The following CIITA variants were observed in gnomAD, a reference collection of about 807,000 sequenced individuals.
CIITA encodes class II major histocompatibility complex transactivator.
Under a neutral mutation model 115.1 loss-of-function variants are expected in CIITA, and 72 were observed. The observed-to-expected ratio is 0.63, with a 90% CI of 0.52 to 0.76. The LOEUF is 0.76. Among genes scored for constraint, CIITA ranks in the 30% least tolerant of loss-of-function variants. The pLI is 0.00. For synonymous variants in CIITA, 763 were observed against 635.6 expected (o/e 1.20, Z -3.02); for missense variants, 1,617 against 1,463.8 (o/e 1.10, Z -1.71).
Position 10,929,143 on chromosome 16 carries a change from G to A in CIITA, c.*5288G>A, listed in dbSNP as rs1463329451. On this transcript the variant is annotated 3_prime_UTR_variant, in exon 20 of 20. Coordinates refer to ENST00000324288, the MANE Select transcript of CIITA (RefSeq NM_000246.4). The surrounding 1 kb of genome is among the most constrained non-coding windows in gnomAD (Gnocchi z 4.3). ...CTTCCTCAGCTTCTTTTTCTTCTGA[G>A]TCACCCCTGAAACAGTCGCTGCATC... 1.1e-6 allele frequency: 1 copy of A among 899,984 alleles called. No homozygotes were observed. The highest frequency in any genetic ancestry group is 1.3e-6 in the Non-Finnish European group (1 of 751,988). The allele number at this position is 899,984 out of a possible 1,614,324, so 55.7% of individuals were successfully genotyped here. A position where few individuals can be genotyped will look rare whatever the true frequency, so the allele number is the denominator to read the frequency against.
Position 10,904,772 on chromosome 16 carries a change from G to A in CIITA, c.966G>A (p.Pro322=), listed in dbSNP as rs770851587. ...TEHKTSPTQC[P]AAGEVSNKLP... is the part of the protein sequence containing the mutation. ...ACAAGACGTCCCCCACCCAATGCCC[G>A]GCAGCTGGAGAGGTCTCCAACAAGC... The change falls in exon 10 of 20, where the codon CCG becomes CCA. Residue 322 remains proline, a synonymous_variant. Coordinates refer to ENST00000324288, the MANE Select transcript of CIITA (RefSeq NM_000246.4). 31 of 1,613,982 alleles carry A rather than the reference G, an allele frequency of 1.9e-5. No homozygotes were observed. Among genetic ancestry groups the A allele is most frequent in the South Asian group, 1.5e-4 (14 of 91,080 alleles).
At chr16:10,915,467 C>A (rs1042599201) in intron 13 of CIITA, 103 bp from the exon 14 acceptor site, 1 of 892,960 alleles carries the variant, frequency 1.1e-6, no homozygotes, top group African/African-American at 1.6e-5. Context: ...GGAGGGGCCT[C>A]AGACAGGACC....
intron 11 of CIITA, 132 bp downstream of exon 11, chr16:10,908,281 C>T (rs1362699446): frequency 9.4e-7 from 1 of 1,063,212 alleles, no homozygotes; most frequent in East Asian, 2.6e-5. Context: ...GGATTCTCTC[C>T]ATTTTTAAGA....
At chr16:10,890,628 C>A (rs540594855) in intron 1 of CIITA, among the ~76,000 whole-genome samples, 15 of 152,166 alleles carry the variant, frequency 9.9e-5, no homozygotes, top group Non-Finnish European at 2.9e-5. Context: ...CTGCAGGGTC[C>A]CCTTATGCAA....
chr16:10,898,817 C>T (rs2038408415), intron 4 of CIITA, 85 bp downstream of exon 4: 1 of 1,597,590 alleles, frequency 6.3e-7, no homozygotes, highest in African/African-American at 1.3e-5. Flanking sequence ...ACCTGACGAC[C>T]ATTCATTGAT....
At chr16:10,866,837 C>G (rs1253233824) in intron 1 of CIITA, among the ~76,000 whole-genome samples, 1 of 152,194 alleles carries the variant, frequency 6.6e-6, no homozygotes. Flanking sequence ...CTCCCTGAGC[C>G]CTGACGATAC....
In CIITA at chr16:10,907,092, C is replaced by T; in HGVS notation, c.1600C>T (p.Gln534Ter). The T allele has an allele frequency of 6.2e-7, 1 of 1,609,072 alleles. No homozygotes were observed. Among genetic ancestry groups the T allele is most frequent in the Non-Finnish European group, 8.5e-7 (1 of 1,179,782 alleles). ...CCGGGGGCTGCTGGCCGGCCTTTTCCAGAAGAAGCTGCTCCGAGGTTGCAC... is the reference window on the plus strand; with the variant it reads ...CCGGGGGCTGCTGGCCGGCCTTTTCTAGAAGAAGCTGCTCCGAGGTTGCAC... ...SLRGLLAGLF[Q>*]KKLLRGCTLL... The change falls in exon 11 of 20, where the codon CAG (glutamine) becomes TAG (stop). Residue 534 changes from glutamine (Q) to a stop codon, truncating the protein, a stop_gained. Coordinates refer to ENST00000324288, the MANE Select transcript of CIITA (RefSeq NM_000246.4). LOFTEE classifies it high-confidence loss of function. This position sits in a 1 kb window ranked among gnomAD's most constrained non-coding sequence, Gnocchi z 5.0.
chr16:10,893,016 T>C, intron 1 of CIITA, among the ~76,000 whole-genome samples: 1 of 152,148 alleles, frequency 6.6e-6, no homozygotes, highest in East Asian at 1.9e-4. Flanking sequence ...ATGACAAGTG[T>C]CTTTATAAGA....
chr16:10,929,736 C>T lies in CIITA; in HGVS notation c.*5881C>T, dbSNP rs2040696430. The T allele has an allele frequency of 5.5e-6, 1 of 181,562 alleles. No homozygotes were observed. The highest frequency in any genetic ancestry group is 1.1e-5 in the Non-Finnish European group (1 of 95,010). 11.2% of individuals were successfully genotyped at this position (181,562 alleles called of 1,614,324 possible). A position where few individuals can be genotyped will look rare whatever the true frequency, so the allele number is the denominator to read the frequency against. On this transcript the variant is annotated 3_prime_UTR_variant, in exon 20 of 20. Coordinates refer to ENST00000324288, the MANE Select transcript of CIITA (RefSeq NM_000246.4). This position sits in a 1 kb window ranked among gnomAD's most constrained non-coding sequence, Gnocchi z 4.3. ...AGCCCCAGACTCAGGCTGAAAATGT[C>T]TTTCTGCAAATATAAAACTCTTTTT...
At chr16:10,887,857 G>C (rs1238448630) in intron 1 of CIITA, among the ~76,000 whole-genome samples, 2 of 152,118 alleles carry the variant, frequency 1.3e-5, no homozygotes, top group Admixed American at 1.3e-4. Flanking sequence ...GGTAGCAAAA[G>C]AGCCTTCTTC....
At chr16:10,885,745 G>C (rs546686640) in intron 1 of CIITA, among the ~76,000 whole-genome samples, 1 of 152,140 alleles carries the variant, frequency 6.6e-6, no homozygotes. Flanking sequence ...CTGTGGGGTG[G>C]CAAGAGCAGA....
At chr16:10,877,480 G>A in intron 1 of CIITA, 98 bp downstream of exon 1, 2 of 1,238,800 alleles carry the variant, frequency 1.6e-6, no homozygotes, top group Admixed American at 2.0e-5. Context: ...GGGGATGGGG[G>A]TGAGGATGGG....
Position 10,901,975 on chromosome 16 carries a change from C to A in CIITA, c.482-63C>A, listed in dbSNP as rs45539239. 20 of 1,600,810 alleles carry A rather than the reference C, an allele frequency of 1.2e-5. No individual in the cohort carries two copies. Among genetic ancestry groups the A allele is most frequent in the African/African-American group, 4.0e-5 (3 of 74,580 alleles). On this transcript the variant is annotated intron_variant, in intron 6 of 19. Transcript: ENST00000324288. The surrounding 1 kb of genome is among the most constrained non-coding windows in gnomAD (Gnocchi z 6.8). ...AGAGACATCCATGCCACTCCAGGGC[C>A]CTCCCCATCCCAGGAAGGCCCCTCC...
chr16:10,918,945 C>G (rs952027947), intron 16 of CIITA, among the ~76,000 whole-genome samples: 8 of 152,156 alleles, frequency 5.3e-5, no homozygotes, highest in Admixed American at 1.3e-4. Flanking sequence ...TCTGGTAGGC[C>G]TTGGCATAGC....
At chr16:10,919,612 G>A (rs943698804) in intron 16 of CIITA, among the ~76,000 whole-genome samples, 3 of 152,096 alleles carry the variant, frequency 2.0e-5, no homozygotes, top group Admixed American at 6.5e-5. Context: ...GGACTGAAGC[G>A]AACCTCCCAC....
intron 1 of CIITA, among the ~76,000 whole-genome samples, chr16:10,889,678 C>A (rs1319160245): frequency 6.6e-6 from 1 of 152,084 alleles, no homozygotes; most frequent in Non-Finnish European, 1.5e-5. Flanking sequence ...CGCCACCATG[C>A]CTGGCTAATT....
rs142045151 is a variant in CIITA, at chr16:10,941,716, C to A, written n.842C>A. On this transcript the variant is annotated non_coding_transcript_exon_variant, in exon 2 of 2. Transcript: ENST00000573379. The surrounding 1 kb of genome is among the most constrained non-coding windows in gnomAD (Gnocchi z 6.4). Reference sequence around the variant, plus strand: ...GGGAAGAGGGGAACAGCAGTCGAGACCCTACTCCAAGTACGCATCAAAGAC... The same window carrying A: ...GGGAAGAGGGGAACAGCAGTCGAGAACCTACTCCAAGTACGCATCAAAGAC... 8 of 1,604,758 alleles carry A rather than the reference C, an allele frequency of 5.0e-6. No individual in the cohort carries two copies. The African/African-American group carries it at 1.1e-4, about 22-fold the overall frequency.
intron 1 of CIITA, among the ~76,000 whole-genome samples, chr16:10,880,537 C>T (rs2036321217): frequency 6.6e-6 from 1 of 152,180 alleles, no homozygotes; most frequent in Admixed American, 6.5e-5. Flanking sequence ...GATTTGAACC[C>T]TGGTCTACTG....
intron 16 of CIITA, among the ~76,000 whole-genome samples, chr16:10,919,846 C>T (rs1409285330): frequency 1.3e-5 from 2 of 151,898 alleles, no homozygotes; most frequent in African/African-American, 2.4e-5. Context: ...AGTTTCTTTG[C>T]GTAGTAGGAA....
Sources: gnomAD v4.1 joint callset for allele counts (sites outside exome capture counted in the v4.1 genomes callset) on GRCh38, gnomAD v4.1.1 for gene constraint, Gnocchi (gnomAD v3.1) non-coding constraint, MANE v1.5 for transcripts, NCBI Gene and HGNC (gene_info 2026-07-23, HGNC 2026-07-21) for gene names.